The following NYAP2 variants were observed in gnomAD, a reference collection of about 807,000 sequenced individuals.
NYAP2 encodes the protein neuronal tyrosine-phosphorylated phosphoinositide-3-kinase adapter 2.
In NYAP2, 23 loss-of-function variants were observed where a neutral mutation model predicts 50.4. The ratio of observed to expected loss-of-function variants is 0.46; its 90% CI spans 0.33 to 0.65. The LOEUF (loss-of-function observed/expected upper bound fraction) is 0.65. Among genes scored for constraint, NYAP2 ranks in the 30% least tolerant of loss-of-function variants. NYAP2 has a pLI of 0.02. For missense variants in NYAP2, 885 were observed against 861.0 expected (o/e 1.03, Z -0.35); for synonymous variants, 394 against 365.2 (o/e 1.08, Z -0.90).
intron 5 of NYAP2, among the ~76,000 whole-genome samples, chr2:225,605,488 G>T (rs1692769537): frequency 6.6e-6 from 1 of 152,038 alleles, no homozygotes; most frequent in East Asian, 1.9e-4. Context: ...TTCTTAATCT[G>T]CTGGTTTTCT....
intron 4 of NYAP2, among the ~76,000 whole-genome samples, chr2:225,533,310 C>A (rs184594402): frequency 6.6e-6 from 1 of 152,240 alleles, no homozygotes; most frequent in Admixed American, 6.5e-5. Flanking sequence ...TCTCCATATA[C>A]AATCATTATT....
At chr2:225,466,964 T>C (rs1017130096) in intron 3 of NYAP2, among the ~76,000 whole-genome samples, 1 of 152,142 alleles carries the variant, frequency 6.6e-6, no homozygotes. Context: ...GAAAGTACAC[T>C]TGGGAGAGGG....
At chr2:225,494,555 C>T (rs370672499) in intron 3 of NYAP2, among the ~76,000 whole-genome samples, 77 of 152,274 alleles carry the variant, frequency 5.1e-4, no homozygotes, top group African/African-American at 1.6e-3. Flanking sequence ...TACCAGATAT[C>T]AAGATAAACA....
intron 5 of NYAP2, among the ~76,000 whole-genome samples, chr2:225,590,440 A>G (rs1042991659): frequency 2.0e-5 from 3 of 152,218 alleles, no homozygotes; most frequent in African/African-American, 4.8e-5. Context: ...GGATGTTGTT[A>G]AAAATACAGA....
intron 4 of NYAP2, among the ~76,000 whole-genome samples, chr2:225,571,084 C>T (rs954792610): frequency 6.6e-6 from 1 of 152,242 alleles, no homozygotes; most frequent in Non-Finnish European, 1.5e-5. Flanking sequence ...GTCTCACATC[C>T]AGGTCATGCT....
chr2:225,554,719 A>G (rs1691746307), intron 4 of NYAP2, among the ~76,000 whole-genome samples: 1 of 152,076 alleles, frequency 6.6e-6, no homozygotes, highest in Admixed American at 6.6e-5. Context: ...GGGTCAAAGG[A>G]TATGATCTAA....
At chr2:225,461,969 C>G (rs1478708551) in intron 3 of NYAP2, among the ~76,000 whole-genome samples, 5 of 152,088 alleles carry the variant, frequency 3.3e-5, no homozygotes, top group African/African-American at 9.7e-5. Flanking sequence ...ATGTGGGTGT[C>G]TCAACATCAA....
chr2:225,515,418 C>T (rs1373812031), intron 4 of NYAP2, among the ~76,000 whole-genome samples: 1 of 152,028 alleles, frequency 6.6e-6, no homozygotes, highest in Non-Finnish European at 1.5e-5. Context: ...TTGATGAATA[C>T]TCAGATTGAT....
At chr2:225,490,166 A>G (rs1157125859) in intron 3 of NYAP2, among the ~76,000 whole-genome samples, 1 of 152,146 alleles carries the variant, frequency 6.6e-6, no homozygotes, top group Non-Finnish European at 1.5e-5. Context: ...AGGAGCTTCA[A>G]TTTGTCAGAG....
At chr2:225,561,192 C>A (rs1691866256) in intron 4 of NYAP2, among the ~76,000 whole-genome samples, 2 of 151,918 alleles carry the variant, frequency 1.3e-5, no homozygotes, top group Non-Finnish European at 2.9e-5. Flanking sequence ...AGGGGGATGA[C>A]CATTTTGAAT....
At chr2:225,435,323 G>T (rs1005722577) in intron 3 of NYAP2, among the ~76,000 whole-genome samples, 2 of 152,142 alleles carry the variant, frequency 1.3e-5, no homozygotes, top group Non-Finnish European at 2.9e-5. Context: ...CCCATATAAA[G>T]AGATAAAAAA....
At chr2:225,453,493 C>A (rs1013677231) in intron 3 of NYAP2, among the ~76,000 whole-genome samples, 5 of 151,956 alleles carry the variant, frequency 3.3e-5, no homozygotes, top group Non-Finnish European at 5.9e-5. Context: ...AAATATATAG[C>A]AAAAAATCAA....
chr2:225,530,292 C>G (rs903580728), intron 4 of NYAP2, among the ~76,000 whole-genome samples: 5 of 152,118 alleles, frequency 3.3e-5, no homozygotes, highest in African/African-American at 1.2e-4. Flanking sequence ...TCCTGCATCC[C>G]TCCCTTCCTG....
At position 225,412,255 on chromosome 2, in the gene NYAP2, C is replaced by CTTTTTT. The variant is rs560637948; in HGVS notation, c.221+3175_221+3180dup. ...TACAGGCGTGAGCCACTGCGCCCGG[C>CTTTTTT]TTTTTTTTTTTTTTTTTTTTTTTTT... On this transcript the variant is annotated intron_variant, in intron 3 of 6. Coordinates refer to ENST00000636099, the Ensembl canonical transcript of NYAP2. Among the ~76,000 whole-genome samples, 282 of 59,144 alleles carry CTTTTTT rather than the reference C, an allele frequency of 4.8e-3. 28 individuals are homozygous for CTTTTTT. Among genetic ancestry groups the CTTTTTT allele is most frequent in the African/African-American group, 6.0e-3 (108 of 17,882 alleles). The allele number at this position is 59,144 out of a possible 152,430, so 38.8% of individuals were successfully genotyped here. A position where few individuals can be genotyped will look rare whatever the true frequency, so the allele number is the denominator to read the frequency against.
At chr2:225,400,779 A>G (rs1694846272) in exon 2 of NYAP2, 1 of 152,388 alleles carries the variant, frequency 6.6e-6, no homozygotes. Flanking sequence ...TCTTCCTAGC[A>G]AACTTTAAAG....
chr2:225,537,562 G>T (rs1262602349), intron 4 of NYAP2, among the ~76,000 whole-genome samples: 1 of 152,014 alleles, frequency 6.6e-6, no homozygotes, highest in East Asian at 1.9e-4. Flanking sequence ...TCATGATAAT[G>T]GCATGGGAAA....
chr2:225,504,351 G>A lies in NYAP2; in HGVS notation c.222-9020G>A, dbSNP rs182804914. Among the ~76,000 whole-genome samples, 1,422 of 152,184 alleles carry A rather than the reference G, an allele frequency of 9.3e-3. 12 individuals carry two copies. Among genetic ancestry groups the A allele is most frequent in the Non-Finnish European group, 0.015 (1,028 of 68,008 alleles). ...TTCATTCTGAGGGTTTTGCCCCCAA[G>A]ACTTAATCACTTCCCAAAGTCTCCA... On this transcript the variant is annotated intron_variant, in intron 3 of 6. Transcript: ENST00000636099.
At chr2:225,474,220 G>A (rs1423986181) in intron 3 of NYAP2, among the ~76,000 whole-genome samples, 1 of 152,162 alleles carries the variant, frequency 6.6e-6, no homozygotes, top group Non-Finnish European at 1.5e-5. Flanking sequence ...TAGCCTTGTA[G>A]TATAGTTTGA....
the NYAP2 span, among the ~76,000 whole-genome samples, chr2:225,694,091 A>G: frequency 5.9e-5 from 9 of 152,112 alleles, no homozygotes. Context: ...TTTGATGTGT[A>G]CTTACCTACT....
Sources: allele counts gnomAD v4.1 joint callset (sites outside exome capture counted in the v4.1 genomes callset), GRCh38; gene constraint gnomAD v4.1.1; transcripts MANE v1.5; gene names NCBI Gene and HGNC (gene_info 2026-07-23, HGNC 2026-07-21).